Variants in CLIC5 observed in about 807,000 individuals in gnomAD.
CLIC5 encodes the protein chloride intracellular channel protein 5.
A neutral mutation model predicts 24.7 loss-of-function variants in CLIC5; 20 were observed. The observed-to-expected ratio is 0.81, with a 90% confidence interval of 0.57 to 1.18. CLIC5 has a LOEUF of 1.18. CLIC5 is among the 50% of genes most tolerant of loss of function. The probability of loss-of-function intolerance (pLI) is 0.00; values close to 1 mark genes in which losing one functional copy is unlikely to be tolerated. For missense variants in CLIC5, 341 were observed against 326.1 expected, an observed-to-expected ratio of 1.05 and a Z score of -0.35; for synonymous variants, 159 against 135.6, an observed-to-expected ratio of 1.17 and a Z score of -1.20.
chr6:46,011,504 G>A (rs891493197), intron 1 of CLIC5, among the ~76,000 whole-genome samples: 2 of 152,216 alleles, frequency 1.3e-5, no homozygotes, highest in African/African-American at 4.8e-5. Context: ...GGAGCAAACT[G>A]CCATCAGAAG....
At chr6:45,965,103 G>C (rs1764974793) in intron 1 of CLIC5, among the ~76,000 whole-genome samples, 1 of 152,152 alleles carries the variant, frequency 6.6e-6, no homozygotes, top group Non-Finnish European at 1.5e-5. Context: ...TCAGGGTTTT[G>C]TGTATGAAGC....
chr6:46,023,311 G>A (rs1767237448), intron 1 of CLIC5, among the ~76,000 whole-genome samples: 1 of 152,126 alleles, frequency 6.6e-6, no homozygotes, highest in Admixed American at 6.5e-5. Context: ...ATAACCCTAT[G>A]AGGTAGTGTT....
intron 1 of CLIC5, among the ~76,000 whole-genome samples, chr6:46,050,237 T>C (rs1191107339): frequency 6.6e-6 from 1 of 152,234 alleles, no homozygotes; most frequent in African/African-American, 2.4e-5. Context: ...AAAGTAACTG[T>C]ACCTGCAGCT....
the CLIC5 span, among the ~76,000 whole-genome samples, chr6:46,103,468 G>A: frequency 6.6e-6 from 1 of 152,088 alleles, no homozygotes; most frequent in South Asian, 2.1e-4. Context: ...ATTAATGAGA[G>A]TCTTACTATC....
upstream of CLIC5, among the ~76,000 whole-genome samples, chr6:46,083,978 A>G (rs1359552502): frequency 1.3e-5 from 2 of 152,114 alleles, no homozygotes; most frequent in Non-Finnish European, 2.9e-5. Context: ...GTGCATATAT[A>G]TTTAGGTTAG....
chr6:45,996,798 A>T (rs1195264132), intron 1 of CLIC5, among the ~76,000 whole-genome samples: 2 of 151,908 alleles, frequency 1.3e-5, no homozygotes, highest in Non-Finnish European at 2.9e-5. Flanking sequence ...TCAAAACCAC[A>T]ATGAGATACC....
intron 2 of CLIC5, among the ~76,000 whole-genome samples, chr6:45,950,006 T>C (rs919882481): frequency 6.6e-6 from 1 of 152,142 alleles, no homozygotes; most frequent in African/African-American, 2.4e-5. Context: ...GCCAGGAAAA[T>C]AAACAAACTA....
chr6:45,941,687 T>C (rs1258418991), intron 3 of CLIC5, 34 bp from the exon 4 acceptor site: 1 of 1,501,414 alleles, frequency 6.7e-7, no homozygotes, highest in Admixed American at 1.7e-5. Flanking sequence ...TGTGAATCAG[T>C]AGACTTGGAG....
At chr6:45,994,645 A>C (rs1273412392) in intron 1 of CLIC5, among the ~76,000 whole-genome samples, 3 of 152,170 alleles carry the variant, frequency 2.0e-5, no homozygotes, top group African/African-American at 7.2e-5. Context: ...AAAATTGGGC[A>C]TGTATTACCC....
chr6:45,903,749 C>G (rs1047493199), intron 5 of CLIC5, among the ~76,000 whole-genome samples: 1 of 152,108 alleles, frequency 6.6e-6, no homozygotes, highest in Non-Finnish European at 1.5e-5. Context: ...TTTGGAGAAA[C>G]ATGTATGATG....
rs146701758 is a variant in CLIC5 at position 46,069,935 on chromosome 6, T to C, written c.540+9768A>G. On this transcript the variant is annotated intron_variant, in intron 1 of 5. Coordinates refer to the CLIC5 transcript ENST00000185206. Reference sequence around the variant, plus strand: ...GGTTCAACATATGCAAATCAATAAATGTGACTCATCACATACACAGAACTA... The same window carrying C: ...GGTTCAACATATGCAAATCAATAAACGTGACTCATCACATACACAGAACTA... 6.5e-3 allele frequency among the ~76,000 whole-genome samples: 985 copies of C among 152,298 alleles called. 9 individuals carry two copies. The highest frequency in any genetic ancestry group is 0.022 in the African/African-American group (930 of 41,544).
At chr6:46,015,866 C>G (rs866232476), upstream of CLIC5, 1 of 1,076,076 alleles carries the variant, frequency 9.3e-7, no homozygotes, top group Admixed American at 5.3e-5. Flanking sequence ...TCAGCGATCC[C>G]GCCGCCGCCA....
intron 1 of CLIC5, among the ~76,000 whole-genome samples, chr6:46,010,392 T>C (rs183756544): frequency 1.1e-3 from 165 of 151,988 alleles, no homozygotes; most frequent in Non-Finnish European, 2.1e-3. Flanking sequence ...AAAAAATCTG[T>C]GGTCCAGAGA....
At chr6:45,892,484 C>A (rs1762362151) in intron 6 of CLIC5, among the ~76,000 whole-genome samples, 1 of 152,190 alleles carries the variant, frequency 6.6e-6, no homozygotes, top group Non-Finnish European at 1.5e-5. Flanking sequence ...AGACCAGTAT[C>A]TCAAAGAATG....
chr6:46,067,342 C>T (rs773948662), intron 1 of CLIC5, among the ~76,000 whole-genome samples: 7 of 151,986 alleles, frequency 4.6e-5, no homozygotes, highest in South Asian at 2.1e-4. Flanking sequence ...TGACCCCCAC[C>T]GACTAGTCTA....
the CLIC5 span, among the ~76,000 whole-genome samples, chr6:46,086,150 C>T: frequency 6.6e-6 from 1 of 151,804 alleles, no homozygotes; most frequent in Non-Finnish European, 1.5e-5. Context: ...CATCTGTTAC[C>T]CCTTTCTTTG....
intron 1 of CLIC5, among the ~76,000 whole-genome samples, chr6:46,066,838 C>T (rs1762456463): frequency 6.6e-6 from 1 of 152,034 alleles, no homozygotes; most frequent in Non-Finnish European, 1.5e-5. Flanking sequence ...GAGGATTTAA[C>T]CAGATGAAGG....
chr6:45,940,674 C>T (rs561847062), intron 4 of CLIC5, among the ~76,000 whole-genome samples: 35 of 152,164 alleles, frequency 2.3e-4, no homozygotes, highest in Non-Finnish European at 4.3e-4. Flanking sequence ...TCCAGTCATC[C>T]AGCCTGTGAG....
the CLIC5 span, among the ~76,000 whole-genome samples, chr6:46,129,065 C>T: frequency 1.3e-5 from 2 of 152,156 alleles, no homozygotes; most frequent in Admixed American, 6.5e-5. Context: ...TTGAGGATAT[C>T]ACATGTGATT....
Sources: gnomAD v4.1 joint callset for allele counts (sites outside exome capture counted in the v4.1 genomes callset) on GRCh38, gnomAD v4.1.1 for gene constraint, MANE v1.5 for transcripts, NCBI Gene and HGNC (gene_info 2026-07-23, HGNC 2026-07-21) for gene names.